Variants in UNC80 observed in about 807,000 individuals in gnomAD.
UNC80 encodes the protein unc-80 subunit of NALCN channel complex.
Under a neutral mutation model 384.6 loss-of-function variants are expected in UNC80, and 164 were observed. The observed-to-expected ratio is 0.43, with a 90% CI of 0.38 to 0.49. The LOEUF (loss-of-function observed/expected upper bound fraction) is 0.49, where lower values mean the gene tolerates loss of function less well. Ranked by LOEUF, UNC80 falls within the 20% of genes least tolerant of loss-of-function variation. The probability of loss-of-function intolerance (pLI) is 0.00; values close to 1 mark genes in which losing one functional copy is unlikely to be tolerated. For missense variants in UNC80, 3,330 were observed against 4,143.0 expected (o/e 0.80, Z 5.39); for synonymous variants, 1,486 against 1,527.8 (o/e 0.97, Z 0.64).
At chr2:209,853,560 G>A (rs1223342717) in intron 22 of UNC80, among the ~76,000 whole-genome samples, 1 of 151,948 alleles carries the variant, frequency 6.6e-6, no homozygotes, top group Non-Finnish European at 1.5e-5. Flanking sequence ...AGATGCAACT[G>A]TAAGGCATTT....
Position 209,896,422 on chromosome 2 carries a change from G to C in UNC80, c.4581+9G>C. On this transcript the variant is annotated intron_variant, in intron 28 of 64. Transcript: ENST00000673920. ...ACATGTCGTGGCTTCATGTAAGTAG[G>C]AATCTCAGAAACAGCCCTGAGATCA... 2 of 1,549,534 alleles carry C rather than the reference G, an allele frequency of 1.3e-6. No individual in the cohort carries two copies. The highest frequency in any genetic ancestry group is 1.7e-6 in the Non-Finnish European group (2 of 1,145,092).
chr2:209,976,921 C>G lies in UNC80; in HGVS notation c.8781C>G (p.Ala2927=), dbSNP rs2093028527. 2 of 1,513,596 alleles carry G rather than the reference C, an allele frequency of 1.3e-6. No individual in the cohort carries two copies. The highest frequency in any genetic ancestry group is 1.4e-5 in the African/African-American group (1 of 72,526). The allele number at this position is 1,513,596 out of a possible 1,614,324, so 93.8% of individuals were successfully genotyped here. ...LRPFIQCKLL[A]QPAENHEELS... ...TTATGCCTTCCTTTCAGCTGCTGGC[C>G]CAACCAGCAGAGAATCATGAAGAGC... is the stretch of plus-strand genomic sequence containing the variant. The change falls in exon 58 of 65, where the codon GCC becomes GCG. Residue 2927 remains alanine, a synonymous_variant. Transcript: ENST00000673920. This position sits in a 1 kb window ranked among gnomAD's most constrained non-coding sequence, Gnocchi z 4.3.
intron 26 of UNC80, among the ~76,000 whole-genome samples, chr2:209,890,696 G>T (rs1350194774): frequency 1.3e-5 from 2 of 152,110 alleles, no homozygotes; most frequent in African/African-American, 2.4e-5. Context: ...CTGTAAAACT[G>T]GGTTAACACC....
rs910897668 is a variant in UNC80, at chr2:209,918,630, G to A, written c.5310G>A (p.Gly1770=). 1.3e-6 allele frequency: 2 copies of A among 1,551,726 alleles called. No homozygotes were observed. Among genetic ancestry groups the A allele is most frequent in the Non-Finnish European group, 1.7e-6 (2 of 1,146,954 alleles). The part of the protein sequence containing the change: ...FDPPWVPQCS[G]SVQDPINEDQ... ...CACCGTGGGTTCCTCAGTGCAGCGGGAGTGTCCAGGACCCCATTAATGAAG... is the reference window on the plus strand; with the variant it reads ...CACCGTGGGTTCCTCAGTGCAGCGGAAGTGTCCAGGACCCCATTAATGAAG... The change falls in exon 33 of 65, where the codon GGG becomes GGA. Residue 1770 remains glycine (G), a synonymous_variant. Transcript: ENST00000673920.
rs202019215 is a variant in UNC80, at chr2:209,778,350, AG to A, written c.600+792del. Reference sequence around the variant, plus strand: ...GGGAGGCACAGGCTGCAGTCAACCTAGATCGTGCCACTGTACTCCAGCCTGG... The same window carrying A: ...GGGAGGCACAGGCTGCAGTCAACCTAATCGTGCCACTGTACTCCAGCCTGG... On this transcript the variant is annotated intron_variant, in intron 4 of 64. Transcript: ENST00000673920. Among the ~76,000 whole-genome samples the A allele has an allele frequency of 7.5e-3, 1,139 of 152,324 alleles. 4 individuals are homozygous for A. The highest frequency in any genetic ancestry group is 0.011 in the Non-Finnish European group (774 of 68,034).
chr2:209,925,335 G>T (rs2090345980), intron 35 of UNC80, among the ~76,000 whole-genome samples: 1 of 152,128 alleles, frequency 6.6e-6, no homozygotes, highest in African/African-American at 2.4e-5. Context: ...CTTCCAGCGG[G>T]TTCTTGGTCT....
rs753214815 is a variant in UNC80, at chr2:209,840,626, C to T, written c.3335C>T (p.Ser1112Phe). Reference sequence around the variant, plus strand: ...GACATTAGCTCTGTGGACCGACTCTCTTTCATCAGGCAAAGCTCCAAGGTA... The same window carrying T: ...GACATTAGCTCTGTGGACCGACTCTTTTTCATCAGGCAAAGCTCCAAGGTA... Reference protein sequence around the residue: ...LLDISSVDRLSFIRQSSKVKF... With the variant: ...LLDISSVDRLFFIRQSSKVKF... The change falls in exon 20 of 65, where the codon TCT becomes TTT. Residue 1112 changes from serine (S) to phenylalanine (F), a missense_variant. Transcript: ENST00000673920. The T allele has an allele frequency of 1.9e-6, 3 of 1,552,064 alleles. No homozygotes were observed. The highest frequency in any genetic ancestry group is 2.4e-5 in the South Asian group (2 of 84,054).
At position 209,904,850 on chromosome 2, in the gene UNC80, G is replaced by A. The variant is rs1158458544; in HGVS notation, c.4667G>A (p.Arg1556His). Residue 1556 changes from arginine to histidine, a missense_variant, in exon 29 of 65, where the codon CGC becomes CAC. Physicochemically the swap from Arg to His is conservative, Grantham distance 29 (BLOSUM62 0). Coordinates refer to ENST00000673920, the MANE Select transcript of UNC80 (RefSeq NM_001371986.1). ...CHPHCYLHHSRSCARLVRAIK... is the reference protein window; with the variant it reads ...CHPHCYLHHSHSCARLVRAIK... ...CCCCACTGCTACCTGCACCACAGCC[G>A]CTCCTGTGCCCGACTGGTCAGAGCC... 9.0e-6 allele frequency: 14 copies of A among 1,551,796 alleles called. No homozygotes were observed. The highest frequency in any genetic ancestry group is 1.7e-4 in the Middle Eastern group (1 of 6,016).
At chr2:209,919,865 A>G (rs539411456) in intron 33 of UNC80, among the ~76,000 whole-genome samples, 11 of 152,220 alleles carry the variant, frequency 7.2e-5, no homozygotes, top group African/African-American at 9.6e-5. Flanking sequence ...GCCAGCCACA[A>G]TCTGTATCCC....
chr2:209,945,764 T>C, intron 46 of UNC80, 83 bp from the exon 47 acceptor site: 1 of 852,496 alleles, frequency 1.2e-6, no homozygotes, highest in South Asian at 1.5e-5. Flanking sequence ...TATACTGGAA[T>C]GATAACATTA....
At chr2:209,897,091 G>A (rs1331435107) in intron 28 of UNC80, among the ~76,000 whole-genome samples, 6 of 152,058 alleles carry the variant, frequency 3.9e-5, no homozygotes, top group Non-Finnish European at 5.9e-5. Context: ...AATGGTCCTC[G>A]GATATATGGT....
At chr2:209,838,420 C>A (rs994057938) in intron 18 of UNC80, among the ~76,000 whole-genome samples, 4 of 152,094 alleles carry the variant, frequency 2.6e-5, no homozygotes, top group African/African-American at 7.2e-5. Context: ...ATGCCCTACT[C>A]AAAAATCCCC....
At chr2:209,903,351 T>TGG (rs1553582674) in intron 28 of UNC80, among the ~76,000 whole-genome samples, 2 of 132,590 alleles carry the variant, frequency 1.5e-5, no homozygotes, top group East Asian at 2.1e-4. Flanking sequence ...TGTGTGTGTG[T>TGG]GGACAGTGTG....
At chr2:209,885,656 A>G (rs1302902711) in intron 25 of UNC80, among the ~76,000 whole-genome samples, 2 of 151,904 alleles carry the variant, frequency 1.3e-5, no homozygotes, top group African/African-American at 4.8e-5. Flanking sequence ...TGTAGTTCCT[A>G]TATTTTTCTG....
intron 43 of UNC80, among the ~76,000 whole-genome samples, chr2:209,939,904 T>A (rs1176681011): frequency 1.3e-5 from 2 of 152,166 alleles, no homozygotes; most frequent in Non-Finnish European, 2.9e-5. Context: ...GACAGTGCTG[T>A]AAAACCAGTG....
chr2:209,880,149 GTCAT>G (rs1295378766), intron 24 of UNC80, among the ~76,000 whole-genome samples: 27 of 151,824 alleles, frequency 1.8e-4, no homozygotes, highest in Non-Finnish European at 3.1e-4. Flanking sequence ...ATCATCCTGT[GTCAT>G]CAGTTGTGAT....
chr2:209,936,832 C>T lies in UNC80; in HGVS notation c.6274-12C>T. 1 of 1,515,404 alleles carries T rather than the reference C, an allele frequency of 6.6e-7. No individual in the cohort carries two copies. Among genetic ancestry groups the T allele is most frequent in the Non-Finnish European group, 9.0e-7 (1 of 1,114,146 alleles). The allele number at this position is 1,515,404 out of a possible 1,614,324, so 93.9% of individuals were successfully genotyped here. ...GATAAACATTTATTAAAATTTGTTG[C>T]TATTGTTCTAGGAGTGTCTGGAGTT... On this transcript the variant is annotated splice_polypyrimidine_tract_variant and intron_variant, in intron 40 of 64. Coordinates refer to ENST00000673920, the MANE Select transcript of UNC80 (RefSeq NM_001371986.1).
chr2:209,921,766 A>G, intron 34 of UNC80, 80 bp downstream of exon 34: 1 of 1,411,754 alleles, frequency 7.1e-7, no homozygotes. Context: ...TGACAATTTT[A>G]TGTGACATGA....
chr2:209,916,034 T>C (rs117038741), intron 31 of UNC80, among the ~76,000 whole-genome samples: 1 of 152,164 alleles, frequency 6.6e-6, no homozygotes, highest in East Asian at 1.9e-4. Flanking sequence ...AAATTTTTAA[T>C]TTTTTTCAAA....
Sources: allele counts gnomAD v4.1 joint callset (sites outside exome capture counted in the v4.1 genomes callset), GRCh38; gene constraint gnomAD v4.1.1; non-coding constraint Gnocchi (gnomAD v3.1); transcripts MANE v1.5; gene names NCBI Gene and HGNC (gene_info 2026-07-23, HGNC 2026-07-21).